The following TAFA1 variants were observed in gnomAD, a reference collection of about 807,000 sequenced individuals.
TAFA1 encodes the protein chemokine-like protein TAFA-1.
Under a neutral mutation model 18.5 loss-of-function variants are expected in TAFA1, and 4 were observed. That is an observed-to-expected ratio of 0.22 (90% CI 0.11 to 0.49). The LOEUF is 0.49. Among genes scored for constraint, TAFA1 ranks in the 20% least tolerant of loss-of-function variants. The probability of loss-of-function intolerance (pLI) is 0.98; values close to 1 mark genes in which losing one functional copy is unlikely to be tolerated. For synonymous variants in TAFA1, 56 were observed against 55.2 expected (o/e 1.01, Z -0.06); for missense variants, 147 against 169.0 (o/e 0.87, Z 0.72).
chr3:68,502,350 GA>G (rs1005754599), intron 3 of TAFA1, among the ~76,000 whole-genome samples: 76 of 149,880 alleles, frequency 5.1e-4, no homozygotes, highest in Admixed American at 3.8e-3. Flanking sequence ...AGAACACACA[GA>G]AAAAAAAAGA....
intron 2 of TAFA1, among the ~76,000 whole-genome samples, chr3:68,305,509 C>T (rs1309287192): frequency 2.3e-5 from 3 of 132,688 alleles, no homozygotes; most frequent in Non-Finnish European, 4.7e-5. Flanking sequence ...ACAATTCAAC[C>T]TATAAAGGCT....
At chr3:68,075,427 C>G (rs947415609) in intron 2 of TAFA1, among the ~76,000 whole-genome samples, 1 of 152,084 alleles carries the variant, frequency 6.6e-6, no homozygotes, top group African/African-American at 2.4e-5. Flanking sequence ...TACATTCAAC[C>G]CCACAAAGAA....
At chr3:68,168,257 T>C (rs568172550) in intron 2 of TAFA1, among the ~76,000 whole-genome samples, 3 of 152,300 alleles carry the variant, frequency 2.0e-5, no homozygotes, top group Middle Eastern at 3.4e-3. Flanking sequence ...TTGCTGTAAT[T>C]ACAGTGAAAC....
At position 68,194,112 on chromosome 3, in the gene TAFA1, C is replaced by G. The variant is rs1056356634; in HGVS notation, c.118+187368C>G. Among the ~76,000 whole-genome samples the G allele has an allele frequency of 5.9e-5, 9 of 151,806 alleles. No individual in the cohort carries two copies. In the South Asian group the frequency reaches 1.2e-3, roughly 21 times the overall value. On this transcript the variant is annotated intron_variant, in intron 2 of 4. Coordinates refer to ENST00000478136, the MANE Select transcript of TAFA1 (RefSeq NM_213609.4). ...AGGACTGGTGAAATGTTACAATACT[C>G]TTAAAATTATGGCTTAGAACTGGAA...
At chr3:68,529,395 AT>A (rs1366081943) in intron 3 of TAFA1, among the ~76,000 whole-genome samples, 2 of 142,552 alleles carry the variant, frequency 1.4e-5, no homozygotes, top group African/African-American at 5.3e-5. Flanking sequence ...CCCTTTAATC[AT>A]ATCTCCCCTT....
chr3:68,464,917 T>C (rs1291215660), intron 3 of TAFA1, among the ~76,000 whole-genome samples: 1 of 152,174 alleles, frequency 6.6e-6, no homozygotes, highest in Non-Finnish European at 1.5e-5. Context: ...AGGCAGATAC[T>C]GTTTCCCCCT....
chr3:68,093,363 T>C (rs945166970), intron 2 of TAFA1, among the ~76,000 whole-genome samples: 1 of 152,142 alleles, frequency 6.6e-6, no homozygotes, highest in Non-Finnish European at 1.5e-5. Context: ...GTCTGAGCCA[T>C]GATGATGTTA....
chr3:68,145,889 A>G (rs2065734212), intron 2 of TAFA1, among the ~76,000 whole-genome samples: 1 of 152,182 alleles, frequency 6.6e-6, no homozygotes, highest in Non-Finnish European at 1.5e-5. Flanking sequence ...TTCATCTTTC[A>G]AAGGGTATAG....
chr3:68,165,389 A>G (rs1321447846), intron 2 of TAFA1, among the ~76,000 whole-genome samples: 1 of 152,220 alleles, frequency 6.6e-6, no homozygotes, highest in Non-Finnish European at 1.5e-5. Context: ...TTAGGGTTAC[A>G]CTTTGGTTTT....
intron 3 of TAFA1, among the ~76,000 whole-genome samples, chr3:68,442,530 A>G (rs1423887063): frequency 6.6e-6 from 1 of 152,168 alleles, no homozygotes; most frequent in Non-Finnish European, 1.5e-5. Flanking sequence ...CATTCAAACT[A>G]TAGCAATACT....
chr3:68,240,711 G>A (rs11706310), intron 2 of TAFA1, among the ~76,000 whole-genome samples: 36,459 of 152,028 alleles, frequency 0.24, 4,464 homozygotes, highest in Admixed American at 0.28. Context: ...GAAGGACAGA[G>A]GAATCTTGCT....
intron 2 of TAFA1, among the ~76,000 whole-genome samples, chr3:68,375,931 T>C (rs2069804756): frequency 6.6e-6 from 1 of 152,206 alleles, no homozygotes; most frequent in South Asian, 2.1e-4. Flanking sequence ...CCAAAGTATT[T>C]ATATATTTTT....
chr3:68,364,972 C>A (rs2069538353), intron 2 of TAFA1, among the ~76,000 whole-genome samples: 1 of 152,142 alleles, frequency 6.6e-6, no homozygotes, highest in African/African-American at 2.4e-5. Flanking sequence ...TCCACTGCAT[C>A]CTTTATTTAA....
intron 2 of TAFA1, among the ~76,000 whole-genome samples, chr3:68,415,914 A>G (rs2070826962): frequency 6.6e-6 from 1 of 151,946 alleles, no homozygotes; most frequent in African/African-American, 2.4e-5. Flanking sequence ...AAAATCAGAG[A>G]CTCTTGCGTT....
At chr3:68,370,472 G>GTGTATATA (rs1248560447) in intron 2 of TAFA1, among the ~76,000 whole-genome samples, 1 of 33,042 alleles carries the variant, frequency 3.0e-5, no homozygotes, top group Non-Finnish European at 5.1e-5. Context: ...GTGTGTGTGT[G>GTGTATATA]TATATATATA....
chr3:68,345,256 G>C (rs914828228), intron 2 of TAFA1, among the ~76,000 whole-genome samples: 2 of 152,162 alleles, frequency 1.3e-5, no homozygotes, highest in Non-Finnish European at 2.9e-5. Flanking sequence ...GGACTGGAAT[G>C]AAAGTGAGCA....
intron 3 of TAFA1, among the ~76,000 whole-genome samples, chr3:68,443,675 G>A (rs1200765434): frequency 6.6e-6 from 1 of 151,998 alleles, no homozygotes; most frequent in Admixed American, 6.6e-5. Context: ...CAAGAACAGT[G>A]CAGGAAAGAC....
Position 68,343,057 on chromosome 3 carries a change from T to C in TAFA1, c.119-74223T>C, listed in dbSNP as rs146323040. Among the ~76,000 whole-genome samples, 75 of 152,322 alleles carry C rather than the reference T, an allele frequency of 4.9e-4. 1 individual carries two copies. In the East Asian group the frequency reaches 0.014, roughly 27 times the overall value. ...GTAGGGGTGGGTGAGGATCTATAGA[T>C]TGATTACCTGGGGAATTGGATGAAA... On this transcript the variant is annotated intron_variant, in intron 2 of 4. Coordinates refer to ENST00000478136, the MANE Select transcript of TAFA1 (RefSeq NM_213609.4).
chr3:68,414,520 C>A (rs1575846130), intron 2 of TAFA1, among the ~76,000 whole-genome samples: 1 of 152,198 alleles, frequency 6.6e-6, no homozygotes, highest in South Asian at 2.1e-4. Flanking sequence ...TGATTCTGGG[C>A]AAGTTATTTA....
Sources: gnomAD v4.1 joint callset for allele counts (sites outside exome capture counted in the v4.1 genomes callset) on GRCh38, gnomAD v4.1.1 for gene constraint, MANE v1.5 for transcripts, NCBI Gene and HGNC (gene_info 2026-07-23, HGNC 2026-07-21) for gene names.